Variants in ZNF469 observed in about 807,000 individuals in gnomAD.
ZNF469 encodes the protein zinc finger protein 469.
A neutral mutation model predicts 1.0 loss-of-function variants in ZNF469; 1 was observed. The ratio of observed to expected loss-of-function variants is 1.00; its 90% CI spans 0.35 to 4.73. The LOEUF (loss-of-function observed/expected upper bound fraction) is 4.73. Among genes scored for constraint, ZNF469 ranks in the 30% most tolerant of loss-of-function variants. ZNF469 has a pLI of 0.16. For synonymous variants in ZNF469, 2,703 were observed against 2,363.4 expected, an observed-to-expected ratio of 1.14 and a Z score of -4.17; for missense variants, 6,100 against 5,356.3, an observed-to-expected ratio of 1.14 and a Z score of -4.33.
the ZNF469 span, among the ~76,000 whole-genome samples, chr16:88,345,615 T>G: frequency 6.6e-6 from 1 of 151,854 alleles, no homozygotes; most frequent in Non-Finnish European, 1.5e-5. Flanking sequence ...CTGTCCCCTC[T>G]GCCCGTGGGG....
At chr16:88,208,124 T>G in the ZNF469 span, among the ~76,000 whole-genome samples, 1 of 151,944 alleles carries the variant, frequency 6.6e-6, no homozygotes, top group East Asian at 1.9e-4. Flanking sequence ...ATTTAATGGG[T>G]TATAATCCAT....
At chr16:88,193,247 T>G in the ZNF469 span, among the ~76,000 whole-genome samples, 66 of 141,534 alleles carry the variant, frequency 4.7e-4, no homozygotes, top group Non-Finnish European at 6.1e-4. Context: ...GTGGTGGTGG[T>G]GATGGTGGTG....
rs187453092 is a variant in ZNF469, at chr16:88,431,401, C to A, written c.3931C>A (p.Pro1311Thr). 9.0e-6 allele frequency: 14 copies of A among 1,550,250 alleles called. No individual in the cohort carries two copies. The highest frequency in any genetic ancestry group is 1.2e-5 in the Non-Finnish European group (14 of 1,146,972). Residue 1311 changes from proline to threonine, a missense_variant, in exon 3 of 3, where the codon CCA (proline) becomes ACA (threonine). Physicochemically the swap from Pro to Thr is conservative, Grantham distance 38. Coordinates refer to ENST00000565624, the MANE Select transcript of ZNF469 (RefSeq NM_001367624.2). ...LLGGPGGTQA[P>T]VSHNSKDPPA... ...GGGTGGTCCTGGGGGCACACAGGCCCCAGTCTCCCACAACAGCAAGGACCC... is the reference window on the plus strand; with the variant it reads ...GGGTGGTCCTGGGGGCACACAGGCCACAGTCTCCCACAACAGCAAGGACCC...
At chr16:88,344,031 T>A in the ZNF469 span, among the ~76,000 whole-genome samples, 15 of 151,828 alleles carry the variant, frequency 9.9e-5, no homozygotes, top group African/African-American at 3.6e-4. Flanking sequence ...ACCCCTGGGG[T>A]CTCTGTCCCA....
chr16:88,282,185 A>G, the ZNF469 span, among the ~76,000 whole-genome samples: 1 of 152,178 alleles, frequency 6.6e-6, no homozygotes, highest in Non-Finnish European at 1.5e-5. Flanking sequence ...TGGGCAGGAA[A>G]CACCTTCAGC....
intron 1 of ZNF469, among the ~76,000 whole-genome samples, chr16:88,410,590 TGATCATGGAGAAGTTCAC>T (rs1905129919): frequency 4.8e-5 from 7 of 145,030 alleles, no homozygotes; most frequent in South Asian, 2.3e-4. Context: ...GCAGGTCACG[TGATCATGGAGAAGTTCAC>T]GGTGCAGGTC....
At chr16:88,317,419 C>G in the ZNF469 span, among the ~76,000 whole-genome samples, 3 of 152,222 alleles carry the variant, frequency 2.0e-5, no homozygotes, top group Non-Finnish European at 4.4e-5. Context: ...TGGCCAGGGG[C>G]AGGGTGGAGC....
At chr16:88,251,536 G>GTGTTTTGTT in the ZNF469 span, among the ~76,000 whole-genome samples, 2 of 78,788 alleles carry the variant, frequency 2.5e-5, no homozygotes, top group Non-Finnish European at 4.7e-5. Flanking sequence ...TGTCCCTGCT[G>GTGTTTTGTT]TCTTTTTTTT....
the ZNF469 span, among the ~76,000 whole-genome samples, chr16:88,302,750 G>A: frequency 6.6e-6 from 1 of 152,128 alleles, no homozygotes; most frequent in Admixed American, 6.5e-5. Flanking sequence ...CTGCTCTGTA[G>A]GGCCCTGCAT....
At chr16:88,356,593 A>G in the ZNF469 span, among the ~76,000 whole-genome samples, 1 of 152,078 alleles carries the variant, frequency 6.6e-6, no homozygotes, top group African/African-American at 2.4e-5. Flanking sequence ...CACTGTTAAC[A>G]TCATCACCAT....
At chr16:88,130,596 C>T in the ZNF469 span, among the ~76,000 whole-genome samples, 4 of 151,368 alleles carry the variant, frequency 2.6e-5, no homozygotes, top group Admixed American at 2.6e-4. Flanking sequence ...GTCCCAGCTA[C>T]TCGGGAGGCT....
the ZNF469 span, chr16:88,302,550 T>C: frequency 6.6e-6 from 1 of 152,260 alleles, no homozygotes; most frequent in Non-Finnish European, 1.5e-5. Flanking sequence ...CCTGGGCTCG[T>C]CTGGACCTGT....
the ZNF469 span, among the ~76,000 whole-genome samples, chr16:88,304,540 G>T: frequency 6.6e-6 from 1 of 152,142 alleles, no homozygotes; most frequent in African/African-American, 2.4e-5. Context: ...AAGGGGGCCA[G>T]CATGTTCCCA....
chr16:88,280,477 C>T, the ZNF469 span, among the ~76,000 whole-genome samples: 2 of 150,340 alleles, frequency 1.3e-5, no homozygotes, highest in African/African-American at 4.9e-5. Context: ...TTTTGGTGCA[C>T]TTGTTGGTGC....
the ZNF469 span, among the ~76,000 whole-genome samples, chr16:88,251,428 G>T: frequency 6.6e-6 from 1 of 150,882 alleles, no homozygotes; most frequent in Admixed American, 6.6e-5. Context: ...TCTGGAATCT[G>T]TTGTGTTCTT....
the ZNF469 span, among the ~76,000 whole-genome samples, chr16:88,239,097 C>T: frequency 6.6e-6 from 1 of 152,034 alleles, no homozygotes; most frequent in Non-Finnish European, 1.5e-5. Flanking sequence ...TAATGGCTGT[C>T]TGGAGTCTGG....
rs1429111136 is a variant in ZNF469, at chr16:88,383,215, G to A, written c.-231G>A. On this transcript the variant is annotated 5_prime_UTR_variant, in exon 1 of 3. Transcript: ENST00000565624. ...CGGCGCGGGCCGGGAGCTCGTTGGC[G>A]GCGGCCGGCGTGGCGGGCGGAGCGG... Among the ~76,000 whole-genome samples the A allele has an allele frequency of 6.8e-6, 1 of 147,420 alleles. No homozygotes were observed. The highest frequency in any genetic ancestry group is 2.4e-5 in the African/African-American group (1 of 40,960).
chr16:88,328,402 T>G, the ZNF469 span, among the ~76,000 whole-genome samples: 1 of 152,158 alleles, frequency 6.6e-6, no homozygotes, highest in South Asian at 2.1e-4. Context: ...CTTCACAACC[T>G]CCAGGGAGGT....
the ZNF469 span, among the ~76,000 whole-genome samples, chr16:88,120,787 G>A: frequency 6.6e-6 from 1 of 152,182 alleles, no homozygotes; most frequent in Non-Finnish European, 1.5e-5. Context: ...GCTTGTCGAC[G>A]GCGTCTCGTA....
Sources: allele counts gnomAD v4.1 joint callset (sites outside exome capture counted in the v4.1 genomes callset), GRCh38; gene constraint gnomAD v4.1.1; transcripts MANE v1.5; gene names NCBI Gene and HGNC (gene_info 2026-07-23, HGNC 2026-07-21).